Variants in SCN11A observed in about 807,000 individuals in gnomAD.
SCN11A encodes the protein sodium channel protein type 11 subunit alpha.
Under a neutral mutation model 162.2 loss-of-function variants are expected in SCN11A, and 122 were observed. The ratio of observed to expected loss-of-function variants is 0.75; its 90% CI spans 0.65 to 0.87. SCN11A has a LOEUF of 0.87. SCN11A is among the 40% of genes least tolerant of loss of function. SCN11A has a pLI of 0.00. For missense variants in SCN11A, 2,015 were observed against 2,181.6 expected (o/e 0.92, Z 1.52); for synonymous variants, 758 against 751.5 (o/e 1.01, Z -0.14).
At chr3:38,900,406 T>C (rs1236238529) in intron 16 of SCN11A, among the ~76,000 whole-genome samples, 1 of 152,068 alleles carries the variant, frequency 6.6e-6, no homozygotes, top group African/African-American at 2.4e-5. Context: ...TGTCAGGCAA[T>C]TTCTCCTCTG....
chr3:39,022,863 A>G (rs972619354), intron 2 of SCN11A, among the ~76,000 whole-genome samples: 2 of 152,002 alleles, frequency 1.3e-5, no homozygotes, highest in Non-Finnish European at 2.9e-5. Context: ...TGGGTGACAG[A>G]GCAAGACCCT....
At chr3:39,014,067 G>A (rs2031221142) in intron 2 of SCN11A, among the ~76,000 whole-genome samples, 1 of 152,184 alleles carries the variant, frequency 6.6e-6, no homozygotes, top group South Asian at 2.1e-4. Context: ...ACCTTGGCTG[G>A]TTGGAATTGT....
chr3:38,978,939 A>G (rs1414584385), intron 2 of SCN11A, among the ~76,000 whole-genome samples: 1 of 152,094 alleles, frequency 6.6e-6, no homozygotes, highest in Non-Finnish European at 1.5e-5. Flanking sequence ...ATGTTTACTT[A>G]CCTCCTTCTA....
intron 2 of SCN11A, among the ~76,000 whole-genome samples, chr3:39,031,538 C>CA (rs1182623442): frequency 5.6e-5 from 7 of 125,088 alleles, no homozygotes; most frequent in African/African-American, 2.4e-4. Flanking sequence ...AAAAAACAAA[C>CA]AAACAAAAAA....
intron 16 of SCN11A, among the ~76,000 whole-genome samples, chr3:38,902,976 TA>T: frequency 6.6e-6 from 1 of 152,210 alleles, no homozygotes; most frequent in Non-Finnish European, 1.5e-5. Flanking sequence ...TCTGCAATGC[TA>T]AAAATGATCA....
chr3:38,870,541 CAGTGGTATCTCAT>C (rs1252007314), intron 26 of SCN11A, 137 bp downstream of exon 26: 6 of 604,892 alleles, frequency 9.9e-6, no homozygotes, highest in East Asian at 5.6e-5. Context: ...TTGTATTAGG[CAGTGGTATCTCAT>C]AGTGTTTTGT....
chr3:39,035,968 G>A (rs1407223990), intron 1 of SCN11A, among the ~76,000 whole-genome samples: 1 of 152,118 alleles, frequency 6.6e-6, no homozygotes, highest in Non-Finnish European at 1.5e-5. Context: ...CTACATTTCT[G>A]ACTTGGGCTA....
rs758216987 is a variant in SCN11A at position 38,903,920 on chromosome 3, A to G, written c.1787T>C (p.Met596Thr). 1 of 1,613,986 alleles carries G rather than the reference A, an allele frequency of 6.2e-7. No homozygotes were observed. Among genetic ancestry groups the G allele is most frequent in the East Asian group, 2.2e-5 (1 of 44,874 alleles). ...ACTGGCCTCCATCTTGTGATGCTCC[A>G]TGGCCAAGAAGACAGTGTTGATGAT... Reference protein sequence around the residue: ...CIIINTVFLAMEHHKMEASFE... With the variant: ...CIIINTVFLATEHHKMEASFE... Residue 596 changes from methionine to threonine, a missense_variant, in exon 16 of 30, where the codon ATG (methionine) becomes ACG (threonine). Met to Thr is a moderately conservative substitution (Grantham distance 81, BLOSUM62 -1). Coordinates refer to ENST00000302328, the MANE Select transcript of SCN11A (RefSeq NM_001349253.2).
rs1285240482 is a variant in SCN11A at position 38,985,888 on chromosome 3, T to C, written c.-279-25465A>G. On this transcript the variant is annotated intron_variant, in intron 2 of 29. Transcript: ENST00000302328. Reference sequence around the variant, plus strand: ...CTCCAGCTCATGATCTCTCCTGAGGTTGCAGTCAAGATGTTAGCTAGTTGG... The same window carrying C: ...CTCCAGCTCATGATCTCTCCTGAGGCTGCAGTCAAGATGTTAGCTAGTTGG... Among the ~76,000 whole-genome samples the C allele has an allele frequency of 2.0e-5, 3 of 150,824 alleles. 1 individual carries two copies. The highest frequency in any genetic ancestry group is 1.9e-4 in the East Asian group (1 of 5,202).
chr3:38,891,045 G>A (rs2065491724), intron 19 of SCN11A, among the ~76,000 whole-genome samples: 1 of 151,326 alleles, frequency 6.6e-6, no homozygotes, highest in South Asian at 2.1e-4. Flanking sequence ...GGGGAAAACA[G>A]TCAGTAACAG....
At chr3:38,997,890 G>A (rs2030692673) in intron 2 of SCN11A, among the ~76,000 whole-genome samples, 1 of 152,186 alleles carries the variant, frequency 6.6e-6, no homozygotes. Flanking sequence ...TAAGGTACAT[G>A]TTTATGGATT....
At chr3:39,050,134 A>G (rs920562597) in intron 1 of SCN11A, among the ~76,000 whole-genome samples, 2 of 152,200 alleles carry the variant, frequency 1.3e-5, no homozygotes, top group African/African-American at 4.8e-5. Flanking sequence ...CCATTGGTCT[A>G]AAAGATCCTG....
At chr3:38,933,994 A>G (rs1210710568) in intron 7 of SCN11A, among the ~76,000 whole-genome samples, 1 of 152,246 alleles carries the variant, frequency 6.6e-6, no homozygotes, top group East Asian at 1.9e-4. Flanking sequence ...GTTACCCACA[A>G]AGGGAAGCCC....
At chr3:39,048,452 T>C (rs2032237629) in intron 1 of SCN11A, among the ~76,000 whole-genome samples, 1 of 152,222 alleles carries the variant, frequency 6.6e-6, no homozygotes, top group Non-Finnish European at 1.5e-5. Context: ...TGGTGTTCTA[T>C]ATCACTGTAG....
At chr3:38,915,481 A>C (rs2065946756) in intron 11 of SCN11A, among the ~76,000 whole-genome samples, 1 of 152,146 alleles carries the variant, frequency 6.6e-6, no homozygotes. Context: ...GCTGTGTCCC[A>C]GAGATTCTGG....
chr3:39,038,036 T>C (rs1462365826), intron 1 of SCN11A, among the ~76,000 whole-genome samples: 1 of 152,188 alleles, frequency 6.6e-6, no homozygotes, highest in Non-Finnish European at 1.5e-5. Flanking sequence ...AAATGGTAGA[T>C]TGAAGAGGGT....
At chr3:38,954,930 G>C (rs1439913775) in intron 3 of SCN11A, among the ~76,000 whole-genome samples, 1 of 152,196 alleles carries the variant, frequency 6.6e-6, no homozygotes, top group African/African-American at 2.4e-5. Context: ...GGAGGTTGCA[G>C]TGAGCCAAGA....
chr3:38,904,083 G>T lies in SCN11A; in HGVS notation c.1624C>A (p.Pro542Thr), dbSNP rs144473860. 69 of 1,574,134 alleles carry T rather than the reference G, an allele frequency of 4.4e-5. No individual in the cohort carries two copies. The highest frequency in any genetic ancestry group is 5.5e-5 in the Non-Finnish European group (64 of 1,163,018). ...TMKEQEKSQE[P>T]CLPCGENLAS... ...AGGTTTTCTCCACAAGGGAGACAAGGCTCTTGTGATTTTTCTTGTTCTGGA... is the reference window on the plus strand; with the variant it reads ...AGGTTTTCTCCACAAGGGAGACAAGTCTCTTGTGATTTTTCTTGTTCTGGA... The change falls in exon 16 of 30, where the codon CCT becomes ACT. Residue 542 changes from proline to threonine, a missense_variant. Physicochemically the swap from Pro to Thr is conservative, Grantham distance 38. Coordinates refer to ENST00000302328, the MANE Select transcript of SCN11A (RefSeq NM_001349253.2).
At chr3:38,896,424 C>G (rs770189858) in intron 18 of SCN11A, among the ~76,000 whole-genome samples, 1 of 152,144 alleles carries the variant, frequency 6.6e-6, no homozygotes, top group Non-Finnish European at 1.5e-5. Context: ...CCAGGGGTCA[C>G]AGTCATAAAA....
Sources: gnomAD v4.1 joint callset for allele counts (sites outside exome capture counted in the v4.1 genomes callset) on GRCh38, gnomAD v4.1.1 for gene constraint, MANE v1.5 for transcripts, NCBI Gene and HGNC (gene_info 2026-07-23, HGNC 2026-07-21) for gene names.